The following SETD1B variants were observed in gnomAD, a reference collection of about 807,000 sequenced individuals.
SETD1B encodes SET domain containing 1B, histone lysine methyltransferase, also known as histone-lysine N-methyltransferase SETD1B.
Under a neutral mutation model 148.0 loss-of-function variants are expected in SETD1B, and 7 were observed. The ratio of observed to expected loss-of-function variants is 0.05; its 90% CI spans 0.03 to 0.09. SETD1B has a LOEUF of 0.09. Ranked by LOEUF, SETD1B falls within the 10% of genes least tolerant of loss-of-function variation. The pLI is 1.00. For synonymous variants in SETD1B, 1,361 were observed against 1,186.5 expected (o/e 1.15, Z -3.02); for missense variants, 2,155 against 2,729.9 (o/e 0.79, Z 4.69).
chr12:121,800,623 G>GGGT (rs1875295224), upstream of SETD1B: 1 of 150,828 alleles, frequency 6.6e-6, no homozygotes, highest in Admixed American at 6.6e-5. Context: ...GTGGGCCGCC[G>GGGT]GGTCGCCCAG....
At chr12:121,790,905 G>A in the SETD1B span, among the ~76,000 whole-genome samples, 4 of 152,222 alleles carry the variant, frequency 2.6e-5, no homozygotes, top group East Asian at 7.7e-4. Context: ...ACAGGGTCTC[G>A]CTCTGTTGCC....
At position 121,816,808 on chromosome 12, in the gene SETD1B, C is replaced by T. The variant is rs1036912579; in HGVS notation, c.2716-225C>T. On this transcript the variant is annotated intron_variant, in intron 7 of 16. Transcript: ENST00000604567. ...GCCACTGTTGTAAGGAAGGCAGGTA[C>T]AGTAGTCCTATTCTACAGGGGAGGA... Among the ~76,000 whole-genome samples, 7 of 152,276 alleles carry T rather than the reference C, an allele frequency of 4.6e-5. No homozygotes were observed. The South Asian group carries it at 1.4e-3, about 32-fold the overall frequency.
At chr12:121,811,351 G>C (rs890201974) in intron 6 of SETD1B, among the ~76,000 whole-genome samples, 4 of 151,986 alleles carry the variant, frequency 2.6e-5, no homozygotes, top group African/African-American at 7.3e-5. Context: ...CCTCTGAAGA[G>C]GGGGAAACCA....
At chr12:121,790,518 A>G in the SETD1B span, among the ~76,000 whole-genome samples, 2 of 151,954 alleles carry the variant, frequency 1.3e-5, no homozygotes. Context: ...TCATTCCATC[A>G]CCTTCCAGGC....
chr12:121,804,582 G>A lies in SETD1B; in HGVS notation c.-14-142G>A. Reference sequence around the variant, plus strand: ...TCTCGCTCCATTCTTGTTTTGGGGGGAGCCAGCGAGACAGCTCCTTTCGGG... The same window carrying A: ...TCTCGCTCCATTCTTGTTTTGGGGGAAGCCAGCGAGACAGCTCCTTTCGGG... On this transcript the variant is annotated intron_variant, in intron 1 of 16. Coordinates refer to ENST00000604567, the MANE Select transcript of SETD1B (RefSeq NM_001353345.2). The surrounding 1 kb of genome is among the most constrained non-coding windows in gnomAD (Gnocchi z 4.6). 1.5e-6 allele frequency: 1 copy of A among 652,530 alleles called. No homozygotes were observed. The highest frequency in any genetic ancestry group is 2.6e-6 in the Non-Finnish European group (1 of 387,020). 40.4% of individuals were successfully genotyped at this position (652,530 alleles called of 1,614,324 possible).
chr12:121,825,149 G>A lies in SETD1B; in HGVS notation c.5171-51G>A, dbSNP rs1301095653. 2.6e-6 allele frequency: 4 copies of A among 1,532,732 alleles called. No homozygotes were observed. The African/African-American group carries it at 5.5e-5, about 21-fold the overall frequency. The allele number at this position is 1,532,732 out of a possible 1,614,324, so 94.9% of individuals were successfully genotyped here. ...GGATGGGCGGGACCAGTCTATGAAG[G>A]GACCAGAAGGGGCTCTCAGAATGTC... On this transcript the variant is annotated intron_variant, in intron 12 of 16. Coordinates refer to ENST00000604567, the MANE Select transcript of SETD1B (RefSeq NM_001353345.2).
intron 7 of SETD1B, among the ~76,000 whole-genome samples, chr12:121,816,530 A>G (rs929981558): frequency 6.6e-6 from 1 of 152,242 alleles, no homozygotes; most frequent in African/African-American, 2.4e-5. Flanking sequence ...ACCAGGCCTC[A>G]TGTGCCCTGC....
In SETD1B at chr12:121,825,343, G is replaced by A. The variant is rs978649703; in HGVS notation, c.5314G>A (p.Asp1772Asn). ...RYLNSSRAST[D>N]EPPADTQGMS... is the part of the protein sequence containing the mutation. ...CCTCAACAGCAGCCGTGCCAGCACCGATGAGCCCCCCGCAGACACCCAGGT... is the reference window on the plus strand; with the variant it reads ...CCTCAACAGCAGCCGTGCCAGCACCAATGAGCCCCCCGCAGACACCCAGGT... Residue 1772 changes from aspartate to asparagine, a missense_variant, in exon 13 of 17, where the codon GAT becomes AAT. Asp to Asn is a conservative substitution (Grantham distance 23, BLOSUM62 1). Coordinates refer to ENST00000604567, the MANE Select transcript of SETD1B (RefSeq NM_001353345.2). 3 of 1,550,860 alleles carry A rather than the reference G, an allele frequency of 1.9e-6. No homozygotes were observed. Among genetic ancestry groups the A allele is most frequent in the Non-Finnish European group, 2.6e-6 (3 of 1,147,034 alleles).
intron 12 of SETD1B, among the ~76,000 whole-genome samples, chr12:121,824,716 C>A (rs149540210): frequency 6.6e-6 from 1 of 151,838 alleles, no homozygotes; most frequent in African/African-American, 2.4e-5. Flanking sequence ...ATCACTGTCA[C>A]CCCAATTTAC....
At chr12:121,824,617 A>T (rs1876750347) in intron 12 of SETD1B, among the ~76,000 whole-genome samples, 1 of 152,122 alleles carries the variant, frequency 6.6e-6, no homozygotes, top group Admixed American at 6.5e-5. Context: ...ACTGCACTCC[A>T]GCCTGGGTGA....
At chr12:121,801,570 AC>A (rs1414983993), upstream of SETD1B, 5 of 152,430 alleles carry the variant, frequency 3.3e-5, no homozygotes, top group East Asian at 7.7e-4. Context: ...TTTCTTACTT[AC>A]CCGCTCAGCC....
At chr12:121,816,453 C>T (rs924291206) in intron 7 of SETD1B, among the ~76,000 whole-genome samples, 2 of 152,188 alleles carry the variant, frequency 1.3e-5, no homozygotes, top group Admixed American at 1.3e-4. Context: ...TATGGTTCAG[C>T]CAAATTATAC....
At position 121,823,319 on chromosome 12, in the gene SETD1B, A is replaced by G. The variant is rs1349356922; in HGVS notation, c.4740A>G (p.Pro1580=). The G allele has an allele frequency of 3.3e-6, 5 of 1,527,908 alleles. No individual in the cohort carries two copies. The highest frequency in any genetic ancestry group is 2.1e-4 in the Middle Eastern group (1 of 4,780). 94.6% of individuals were successfully genotyped at this position (1,527,908 alleles called of 1,614,324 possible). ...TGGACTTCCGGAACGCGGGGATCCC[A>G]GCCCCTCCACCACCCCTTCCCCCCC... ...VTLDFRNAGI[P]APPPPLPPQP... is the part of the protein sequence containing the mutation. The change falls in exon 12 of 17, where the codon CCA becomes CCG. Residue 1580 remains proline, a synonymous_variant. Transcript: ENST00000604567.
In SETD1B at chr12:121,806,050, C is replaced by T; in HGVS notation, c.489C>T (p.His163=). 3 of 1,551,704 alleles carry T rather than the reference C, an allele frequency of 1.9e-6. No homozygotes were observed. Among genetic ancestry groups the T allele is most frequent in the Non-Finnish European group, 2.6e-6 (3 of 1,147,004 alleles). ...TVRGAKDAVQ[H]LHSTSVMGNI... The stretch of plus-strand genomic sequence containing the variant: ...GGGGAGCCAAGGATGCCGTTCAGCA[C>T]TTGCACAGCACTTCCGTCATGGGCA... The change falls in exon 4 of 17, where the codon CAC becomes CAT. Residue 163 remains histidine, a synonymous_variant. Coordinates refer to ENST00000604567, the MANE Select transcript of SETD1B (RefSeq NM_001353345.2).
rs1377566957 is a variant in SETD1B, at chr12:121,814,817, G to A, written c.2602G>A (p.Val868Ile). Residue 868 changes from valine (V) to isoleucine (I), a missense_variant, in exon 7 of 17, where the codon GTC becomes ATC. Around this residue, in one of 11 missense-constraint regions of SETD1B, gnomAD observed 289 missense variants for 423.7 expected, o/e 0.68. Transcript: ENST00000604567. ...CACGGTGGATGGCGTCCTGCTGGTG[G>A]TCCTCAAAGAACTCAAGGCCATCAT... ...KATVDGVLLV[V>I]LKELKAIMKR... 6.4e-7 allele frequency: 1 copy of A among 1,551,512 alleles called. No individual in the cohort carries two copies. Among genetic ancestry groups the A allele is most frequent in the Non-Finnish European group, 8.7e-7 (1 of 1,147,010 alleles).
chr12:121,804,653 C>A lies in SETD1B; in HGVS notation c.-14-71C>A. On this transcript the variant is annotated intron_variant, in intron 1 of 16. Coordinates refer to ENST00000604567, the MANE Select transcript of SETD1B (RefSeq NM_001353345.2). This position sits in a 1 kb window ranked among gnomAD's most constrained non-coding sequence, Gnocchi z 4.6. ...GGGGTGGGGGCCTGCCGATTGGATTCTTTCGCGTGTGTGTAGAAGCGGCCG... is the reference window on the plus strand; with the variant it reads ...GGGGTGGGGGCCTGCCGATTGGATTATTTCGCGTGTGTGTAGAAGCGGCCG... 8 of 1,378,488 alleles carry A rather than the reference C, an allele frequency of 5.8e-6. No individual in the cohort carries two copies. Among genetic ancestry groups the A allele is most frequent in the Non-Finnish European group, 7.9e-6 (8 of 1,013,236 alleles). The allele number at this position is 1,378,488 out of a possible 1,614,324, so 85.4% of individuals were successfully genotyped here. A position where few individuals can be genotyped will look rare whatever the true frequency, so the allele number is the denominator to read the frequency against.
intron 11 of SETD1B, among the ~76,000 whole-genome samples, chr12:121,822,029 C>T (rs1465586266): frequency 6.6e-5 from 10 of 152,050 alleles, no homozygotes; most frequent in African/African-American, 2.2e-4. Context: ...CTGCAGTGAC[C>T]GTGATCATGC....
Position 121,810,397 on chromosome 12 carries a change from G to A in SETD1B, c.1452G>A (p.Thr484=), listed in dbSNP as rs527521299. ...PEPCDSPGTP[T]LESSPAGPEK... ...CCTGTGACAGCCCTGGCACGCCCAC[G>A]CTGGAGTCGTCCCCTGCAGGGCCAG... Residue 484 remains threonine (T), a synonymous_variant, in exon 6 of 17, where the codon ACG becomes ACA. Transcript: ENST00000604567. The surrounding 1 kb of genome is among the most constrained non-coding windows in gnomAD (Gnocchi z 7.6). 2.7e-5 allele frequency: 42 copies of A among 1,548,700 alleles called. No individual in the cohort carries two copies. The East Asian group carries it at 7.1e-4, about 26-fold the overall frequency.
In SETD1B at chr12:121,825,378, G is replaced by T. The variant is rs989148557; in HGVS notation, c.5337+12G>T. ...CCGCAGACACCCAGGTACTGCCAGG[G>T]CTCCTGGACACATCAGAGCCTGCTG... On this transcript the variant is annotated intron_variant, in intron 13 of 16. Coordinates refer to ENST00000604567, the MANE Select transcript of SETD1B (RefSeq NM_001353345.2). 1 of 1,546,378 alleles carries T rather than the reference G, an allele frequency of 6.5e-7. No individual in the cohort carries two copies. The highest frequency in any genetic ancestry group is 2.0e-5 in the Admixed American group (1 of 50,946).
Sources: gnomAD v4.1 joint callset for allele counts (sites outside exome capture counted in the v4.1 genomes callset) on GRCh38, gnomAD v4.1.1 for gene constraint, gnomAD v4.1.1 regional missense constraint, Gnocchi (gnomAD v3.1) non-coding constraint, MANE v1.5 for transcripts, NCBI Gene and HGNC (gene_info 2026-07-23, HGNC 2026-07-21) for gene names.